Variants in SNX29 observed in about 807,000 individuals in gnomAD.
SNX29 encodes the protein sorting nexin 29, also known as sorting nexin-29.
SNX29 carries 78 observed loss-of-function variants against 102.1 expected under a neutral mutation model. The observed-to-expected ratio is 0.76, with a 90% confidence interval of 0.64 to 0.92. The LOEUF is 0.92. SNX29 is among the 40% of genes least tolerant of loss of function. The probability of loss-of-function intolerance (pLI) is 0.00; values close to 1 mark genes in which losing one functional copy is unlikely to be tolerated. For missense variants in SNX29, 1,280 were observed against 1,061.7 expected, an observed-to-expected ratio of 1.21 and a Z score of -2.86; for synonymous variants, 580 against 414.5, an observed-to-expected ratio of 1.40 and a Z score of -4.85.
At chr16:12,563,550 G>C (rs1179396087) in intron 20 of SNX29, among the ~76,000 whole-genome samples, 1 of 152,208 alleles carries the variant, frequency 6.6e-6, no homozygotes, top group African/African-American at 2.4e-5. Context: ...ACCACTACCT[G>C]AGGGGTCTAC....
chr16:12,355,351 C>T (rs1889996054), intron 15 of SNX29, among the ~76,000 whole-genome samples: 1 of 152,164 alleles, frequency 6.6e-6, no homozygotes, highest in Admixed American at 6.5e-5. Flanking sequence ...TCTTCTGTAG[C>T]TCATGTAAAG....
At chr16:12,095,917 T>C (rs2052747717) in intron 11 of SNX29, among the ~76,000 whole-genome samples, 2 of 152,236 alleles carry the variant, frequency 1.3e-5, no homozygotes, top group Admixed American at 1.3e-4. Context: ...TTCTCAACGC[T>C]AGTGAGGCGT....
chr16:12,349,635 A>G lies in SNX29; in HGVS notation c.1783-6528A>G, dbSNP rs1390191482. Among the ~76,000 whole-genome samples the G allele has an allele frequency of 2.6e-5, 4 of 152,182 alleles. No homozygotes were observed. The East Asian group carries it at 7.7e-4, about 29-fold the overall frequency. ...CAAAATCCAAAAAATTCAAAATCCA[A>G]AATACTTCTGGTCCTGAGCATTTTG... On this transcript the variant is annotated intron_variant, in intron 15 of 20. Transcript: ENST00000566228.
At chr16:12,531,658 C>T (rs539161742) in intron 20 of SNX29, among the ~76,000 whole-genome samples, 41 of 152,154 alleles carry the variant, frequency 2.7e-4, no homozygotes, top group African/African-American at 8.9e-4. Flanking sequence ...CAGAAGATGC[C>T]GAGTTTTGAG....
At chr16:12,157,431 C>A (rs1380334791) in intron 13 of SNX29, among the ~76,000 whole-genome samples, 1 of 152,122 alleles carries the variant, frequency 6.6e-6, no homozygotes, top group African/African-American at 2.4e-5. Flanking sequence ...ATGATGTCTC[C>A]TAAAGGAACT....
intron 18 of SNX29, among the ~76,000 whole-genome samples, chr16:12,452,009 A>C (rs2086321040): frequency 6.6e-6 from 1 of 152,196 alleles, no homozygotes; most frequent in Non-Finnish European, 1.5e-5. Flanking sequence ...AGCTCTAGAA[A>C]GGGCCCATGC....
intron 14 of SNX29, among the ~76,000 whole-genome samples, chr16:12,277,077 G>A (rs1159349227): frequency 6.6e-6 from 1 of 152,118 alleles, no homozygotes; most frequent in Non-Finnish European, 1.5e-5. Context: ...GTAGAAAAAG[G>A]AACTTGGCAA....
chr16:11,999,434 A>G (rs2151014310), intron 2 of SNX29, 76 bp downstream of exon 2: 7 of 1,438,818 alleles, frequency 4.9e-6, no homozygotes, highest in Non-Finnish European at 4.8e-6. Flanking sequence ...TTTCTTCCCT[A>G]TAACATACAC....
intron 11 of SNX29, among the ~76,000 whole-genome samples, chr16:12,107,487 C>T (rs377013008): frequency 4.6e-5 from 7 of 151,836 alleles, no homozygotes; most frequent in South Asian, 2.1e-4. Context: ...GCCAACATGC[C>T]GAAACCCCGT....
intron 3 of SNX29, among the ~76,000 whole-genome samples, chr16:12,015,646 C>A (rs2056823397): frequency 6.6e-6 from 1 of 151,710 alleles, no homozygotes; most frequent in Non-Finnish European, 1.5e-5. Flanking sequence ...CACCATTCTC[C>A]TGTCTCAGCC....
chr16:11,997,425 T>G (rs955713244), intron 1 of SNX29, among the ~76,000 whole-genome samples: 1 of 152,194 alleles, frequency 6.6e-6, no homozygotes, highest in Admixed American at 6.5e-5. Flanking sequence ...TGTGTTTGTT[T>G]TGTCTTCCTA....
In SNX29 at chr16:12,303,571, C is replaced by T. The variant is rs531418767; in HGVS notation, c.1782+25535C>T. ...GAATTCACACTTGTGGGAAGCTATA[C>T]GGAAAGGCAAGGGCATGGTAACCAT... On this transcript the variant is annotated intron_variant, in intron 15 of 20. Coordinates refer to ENST00000566228, the MANE Select transcript of SNX29 (RefSeq NM_032167.5). Among the ~76,000 whole-genome samples the T allele has an allele frequency of 9.2e-5, 14 of 152,178 alleles. No individual in the cohort carries two copies. In the East Asian group the frequency reaches 1.2e-3, roughly 13 times the overall value.
At chr16:12,531,228 T>A (rs2076924023) in intron 20 of SNX29, among the ~76,000 whole-genome samples, 1 of 152,198 alleles carries the variant, frequency 6.6e-6, no homozygotes, top group African/African-American at 2.4e-5. Flanking sequence ...TCATCCCCTG[T>A]GCCTGGAGAA....
chr16:12,337,927 G>A (rs1297569174), intron 15 of SNX29, among the ~76,000 whole-genome samples: 1 of 152,214 alleles, frequency 6.6e-6, no homozygotes, highest in African/African-American at 2.4e-5. Flanking sequence ...ACGGTCGGGT[G>A]ACACTTCCAT....
At chr16:12,443,126 C>T (rs2151679760) in intron 18 of SNX29, 1 of 431,448 alleles carries the variant, frequency 2.3e-6, no homozygotes, top group Admixed American at 2.7e-5. Flanking sequence ...GGAGCATCTG[C>T]CTAAATCCTG....
intron 14 of SNX29, among the ~76,000 whole-genome samples, chr16:12,262,563 T>G (rs2078807539): frequency 6.6e-6 from 1 of 152,164 alleles, no homozygotes; most frequent in African/African-American, 2.4e-5. Flanking sequence ...CTGGTCTGTG[T>G]ACACCGGCGG....
chr16:12,039,380 G>A (rs2057565480), intron 4 of SNX29, among the ~76,000 whole-genome samples: 1 of 152,074 alleles, frequency 6.6e-6, no homozygotes. Context: ...TGGTTGAATG[G>A]ACTTTTTCTC....
intron 8 of SNX29, among the ~76,000 whole-genome samples, chr16:12,054,933 A>G (rs1337822358): frequency 6.6e-6 from 1 of 152,168 alleles, no homozygotes; most frequent in Non-Finnish European, 1.5e-5. Context: ...TCTCAAATGA[A>G]TATTTTCACA....
At chr16:12,202,115 C>T (rs1039079934) in intron 14 of SNX29, among the ~76,000 whole-genome samples, 52 of 152,168 alleles carry the variant, frequency 3.4e-4, no homozygotes, top group African/African-American at 1.1e-3. Flanking sequence ...TAGCAGCAGT[C>T]TCTTACTTCT....
Sources: allele counts gnomAD v4.1 joint callset (sites outside exome capture counted in the v4.1 genomes callset), GRCh38; gene constraint gnomAD v4.1.1; transcripts MANE v1.5; gene names NCBI Gene and HGNC (gene_info 2026-07-23, HGNC 2026-07-21).